Variants in CREB5 observed in about 807,000 individuals in gnomAD.
The protein encoded by CREB5 is cyclic AMP-responsive element-binding protein 5.
A neutral mutation model predicts 57.1 loss-of-function variants in CREB5; 19 were observed. That is an observed-to-expected ratio of 0.33 (90% CI 0.23 to 0.49). The LOEUF is 0.49. CREB5 is among the 20% of genes least tolerant of loss of function. CREB5 has a pLI of 0.99. For synonymous variants in CREB5, 238 were observed against 238.3 expected (o/e 1.00, Z 0.01); for missense variants, 579 against 671.6 (o/e 0.86, Z 1.52).
At chr7:28,349,966 C>T (rs1218595742) in intron 1 of CREB5, among the ~76,000 whole-genome samples, 1 of 152,178 alleles carries the variant, frequency 6.6e-6, no homozygotes, top group Non-Finnish European at 1.5e-5. Flanking sequence ...GAATTACTTA[C>T]ATTATTGCTT....
At chr7:28,496,379 A>C (rs1028703910) in intron 3 of CREB5, among the ~76,000 whole-genome samples, 1 of 152,144 alleles carries the variant, frequency 6.6e-6, no homozygotes, top group South Asian at 2.1e-4. Flanking sequence ...CAATATTTTA[A>C]ATTCTTTTTT....
At chr7:28,755,535 C>T (rs183954001) in intron 7 of CREB5, among the ~76,000 whole-genome samples, 8 of 152,168 alleles carry the variant, frequency 5.3e-5, no homozygotes, top group African/African-American at 1.9e-4. Context: ...ATCTTTTAGG[C>T]AATAGTGAGT....
chr7:28,634,534 A>G (rs1048276715), intron 5 of CREB5, among the ~76,000 whole-genome samples: 61 of 152,242 alleles, frequency 4.0e-4, no homozygotes, highest in African/African-American at 1.4e-3. Context: ...AGATGGCCAC[A>G]ATTTCTCATG....
intron 1 of CREB5, among the ~76,000 whole-genome samples, chr7:28,315,915 A>G (rs2127982706): frequency 6.6e-6 from 1 of 152,192 alleles, no homozygotes; most frequent in East Asian, 1.9e-4. Flanking sequence ...CAGTGGAGGA[A>G]AAAGATAACA....
chr7:28,716,638 A>G (rs1033302712), intron 5 of CREB5, among the ~76,000 whole-genome samples: 1 of 152,200 alleles, frequency 6.6e-6, no homozygotes, highest in Non-Finnish European at 1.5e-5. Context: ...TTATATATAC[A>G]CTTTGATATT....
intron 1 of CREB5, among the ~76,000 whole-genome samples, chr7:28,424,848 T>C (rs1788433875): frequency 6.6e-6 from 1 of 152,270 alleles, no homozygotes; most frequent in African/African-American, 2.4e-5. Flanking sequence ...TCTGATTTTC[T>C]GGTTGTTGAT....
chr7:28,381,829 C>T (rs1217126254), intron 1 of CREB5, among the ~76,000 whole-genome samples: 4 of 152,168 alleles, frequency 2.6e-5, no homozygotes, highest in Non-Finnish European at 5.9e-5. Context: ...TGTCTTGTTA[C>T]ATTGTGTTTT....
Position 28,421,733 on chromosome 7 carries a change from A to C in CREB5, c.3+8816A>C, listed in dbSNP as rs150315446. On this transcript the variant is annotated intron_variant, in intron 1 of 10. Transcript: ENST00000357727. The stretch of plus-strand genomic sequence containing the variant: ...GCAGTTTTTAAGAAATTTACTTGAT[A>C]GCCTTTAGCACCATATATATATACA... Among the ~76,000 whole-genome samples the C allele has an allele frequency of 9.1e-4, 136 of 148,682 alleles. 1 individual carries two copies. The East Asian group carries it at 0.024, about 27-fold the overall frequency.
At chr7:28,725,238 C>T (rs1390794772) in intron 7 of CREB5, among the ~76,000 whole-genome samples, 13 of 152,172 alleles carry the variant, frequency 8.5e-5, no homozygotes, top group Admixed American at 8.5e-4. Flanking sequence ...ATGTTGTTGA[C>T]AGTTCTGAAA....
Position 28,523,997 on chromosome 7 carries a change from T to G in CREB5, c.291+16260T>G, listed in dbSNP as rs148184634. 1.0e-3 allele frequency among the ~76,000 whole-genome samples: 156 copies of G among 152,318 alleles called. 1 individual carries two copies. Among genetic ancestry groups the G allele is most frequent in the African/African-American group, 3.5e-3 (144 of 41,562 alleles). ...CCTGTCATTCTCAGCACCATTGCCT[T>G]ACACGTGGAAGGAGCTCTGTGAAGA... On this transcript the variant is annotated intron_variant, in intron 4 of 10. Coordinates refer to ENST00000357727, the MANE Select transcript of CREB5 (RefSeq NM_182898.4).
At chr7:28,410,035 C>A, upstream of CREB5, 1 of 444,990 alleles carries the variant, frequency 2.2e-6, no homozygotes, top group Non-Finnish European at 4.5e-6. Flanking sequence ...TTCCAGCGGG[C>A]GCGGCGAGGA....
intron 1 of CREB5, among the ~76,000 whole-genome samples, chr7:28,304,323 G>C (rs1785149736): frequency 6.6e-6 from 1 of 152,194 alleles, no homozygotes; most frequent in African/African-American, 2.4e-5. Flanking sequence ...TAGACTTATA[G>C]TACAAGAGGA....
In CREB5 at chr7:28,685,437, C is replaced by T. The variant is rs1483506484; in HGVS notation, c.465-33316C>T. Reference sequence around the variant, plus strand: ...AGGGAGGTCAGATGCGAGAAGTCTCCGGAGGGCTGGTGGTTGGCATTCAGC... The same window carrying T: ...AGGGAGGTCAGATGCGAGAAGTCTCTGGAGGGCTGGTGGTTGGCATTCAGC... On this transcript the variant is annotated intron_variant, in intron 5 of 10. Coordinates refer to ENST00000357727, the MANE Select transcript of CREB5 (RefSeq NM_182898.4). 3.9e-5 allele frequency among the ~76,000 whole-genome samples: 6 copies of T among 152,220 alleles called. No homozygotes were observed. The South Asian group carries it at 1.0e-3, about 26-fold the overall frequency.
At chr7:28,489,174 G>A (rs943556366) in intron 2 of CREB5, among the ~76,000 whole-genome samples, 10 of 152,112 alleles carry the variant, frequency 6.6e-5, no homozygotes, top group African/African-American at 2.4e-4. Flanking sequence ...TTTCAGGTGT[G>A]GCGAGTTACA....
At chr7:28,755,560 G>A (rs891571380) in intron 7 of CREB5, among the ~76,000 whole-genome samples, 1 of 152,218 alleles carries the variant, frequency 6.6e-6, no homozygotes, top group East Asian at 1.9e-4. Flanking sequence ...GGAGGATTAG[G>A]AGTAGGGAGG....
chr7:28,335,784 C>A (rs1016999546), intron 1 of CREB5, among the ~76,000 whole-genome samples: 1 of 152,040 alleles, frequency 6.6e-6, no homozygotes, highest in African/African-American at 2.4e-5. Context: ...TTTTCTAGAT[C>A]TTGGATGAAA....
chr7:28,341,017 T>C (rs189303535), intron 1 of CREB5, among the ~76,000 whole-genome samples: 25 of 152,264 alleles, frequency 1.6e-4, no homozygotes, highest in South Asian at 6.2e-4. Flanking sequence ...AGGAGTGGCA[T>C]TGGCAATTGA....
intron 1 of CREB5, among the ~76,000 whole-genome samples, chr7:28,367,008 C>T (rs1055223922): frequency 6.0e-5 from 9 of 150,416 alleles, no homozygotes; most frequent in South Asian, 2.1e-4. Context: ...ATCTGAAAAT[C>T]GCTCTCCTTA....
intron 1 of CREB5, among the ~76,000 whole-genome samples, chr7:28,387,254 T>A (rs1194032074): frequency 6.6e-6 from 1 of 152,206 alleles, no homozygotes; most frequent in Non-Finnish European, 1.5e-5. Context: ...TTTTTGACTT[T>A]TTATTAATAG....
Sources: allele counts gnomAD v4.1 joint callset (sites outside exome capture counted in the v4.1 genomes callset), GRCh38; gene constraint gnomAD v4.1.1; transcripts MANE v1.5; gene names NCBI Gene and HGNC (gene_info 2026-07-23, HGNC 2026-07-21).